Variants in IL16 observed in about 807,000 individuals in gnomAD.
IL16 encodes the protein interleukin 16.
A neutral mutation model predicts 110.1 loss-of-function variants in IL16; 67 were observed. The ratio of observed to expected loss-of-function variants is 0.61; its 90% CI spans 0.50 to 0.75. The LOEUF is 0.75. Ranked by LOEUF, IL16 falls within the 30% of genes least tolerant of loss-of-function variation. The pLI, the probability that IL16 is intolerant of heterozygous loss-of-function variation, is 0.00. For synonymous variants in IL16, 689 were observed against 662.9 expected, an observed-to-expected ratio of 1.04 and a Z score of -0.61; for missense variants, 1,545 against 1,655.0, an observed-to-expected ratio of 0.93 and a Z score of 1.15.
rs770601215 is a variant in IL16 at position 81,305,906 on chromosome 15, AG to A, written c.3421del. The A allele has an allele frequency of 6.2e-6, 10 of 1,613,544 alleles. No individual in the cohort carries two copies. The highest frequency in any genetic ancestry group is 7.6e-6 in the Non-Finnish European group (9 of 1,179,716). ...GGTCCTGACTTCCTTTGGTTTGCTCAGGTTCACAGAGTGTTTCCAAATGGGC... is the reference window on the plus strand; with the variant it reads ...GGTCCTGACTTCCTTTGGTTTGCTCAGTTCACAGAGTGTTTCCAAATGGGC... On this transcript the variant is annotated splice_acceptor_variant, in intron 16 of 18. Transcript: ENST00000683961. LOFTEE classifies it high-confidence loss of function.
At chr15:81,227,865 G>A (rs1160856843) in intron 2 of IL16, among the ~76,000 whole-genome samples, 1 of 152,122 alleles carries the variant, frequency 6.6e-6, no homozygotes, top group Non-Finnish European at 1.5e-5. Flanking sequence ...GATGTAGCAT[G>A]TGAGAGAATG....
chr15:81,306,009 G>A lies in IL16; in HGVS notation c.3522G>A (p.Thr1174=), dbSNP rs551305009. Residue 1174 remains threonine, a synonymous_variant, in exon 17 of 19, where the codon ACG becomes ACA. Transcript: ENST00000683961. Reference sequence around the variant, plus strand: ...ACGGCAAGTCTCTCAAGGGGACCACGCACCATGATGCCTTGGCCATCCTCC... The same window carrying A: ...ACGGCAAGTCTCTCAAGGGGACCACACACCATGATGCCTTGGCCATCCTCC... ...SINGKSLKGT[T]HHDALAILRQ... 1.6e-5 allele frequency: 26 copies of A among 1,614,212 alleles called. No individual in the cohort carries two copies. Among genetic ancestry groups the A allele is most frequent in the East Asian group, 4.5e-5 (2 of 44,888 alleles).
At chr15:81,307,871 T>C (rs1900651898) in intron 18 of IL16, among the ~76,000 whole-genome samples, 1 of 152,214 alleles carries the variant, frequency 6.6e-6, no homozygotes, top group African/African-American at 2.4e-5. Context: ...ACACCCCTCA[T>C]AGGATTACTG....
chr15:81,227,749 G>T (rs1896835703), intron 2 of IL16, among the ~76,000 whole-genome samples: 1 of 151,056 alleles, frequency 6.6e-6, no homozygotes, highest in Non-Finnish European at 1.5e-5. Context: ...GGAGACCAGT[G>T]AGGGGGACTG....
intron 4 of IL16, 119 bp downstream of exon 4, chr15:81,265,920 A>AG: frequency 1.1e-6 from 1 of 897,406 alleles, no homozygotes; most frequent in Non-Finnish European, 1.7e-6. Context: ...AGAACTACAG[A>AG]GGAGAGGGTC....
In IL16 at chr15:81,269,725, G is replaced by T; in HGVS notation, c.675+77G>T. On this transcript the variant is annotated intron_variant, in intron 5 of 18. Coordinates refer to ENST00000683961, the MANE Select transcript of IL16 (RefSeq NM_172217.5). ...CAAGGAGCTGCTGTGTCCAGGGAAGGATGGGAATAGGACTACTGGGGTGTC... is the reference window on the plus strand; with the variant it reads ...CAAGGAGCTGCTGTGTCCAGGGAAGTATGGGAATAGGACTACTGGGGTGTC... 1.3e-5 allele frequency: 14 copies of T among 1,046,520 alleles called. No individual in the cohort carries two copies. The South Asian group carries it at 1.7e-4, about 13-fold the overall frequency. 64.8% of individuals were successfully genotyped at this position (1,046,520 alleles called of 1,614,324 possible).
At chr15:81,224,408 C>T (rs569119175) in intron 1 of IL16, among the ~76,000 whole-genome samples, 1 of 152,308 alleles carries the variant, frequency 6.6e-6, no homozygotes, top group East Asian at 1.9e-4. Context: ...GAAACTGAAT[C>T]CATGGGAGGC....
intron 5 of IL16, 22 bp downstream of exon 5, chr15:81,269,670 C>T (rs751435971): frequency 6.4e-7 from 1 of 1,551,612 alleles, no homozygotes. Context: ...TTGTGGCCAA[C>T]AGGAAGTCCT....
chr15:81,190,356 T>C (rs2141919952), intron 1 of IL16, among the ~76,000 whole-genome samples: 1 of 152,198 alleles, frequency 6.6e-6, no homozygotes, highest in East Asian at 1.9e-4. Flanking sequence ...ACCCATGTGA[T>C]AGGGCTGAAG....
intron 2 of IL16, among the ~76,000 whole-genome samples, chr15:81,231,250 A>G (rs1896960167): frequency 6.7e-6 from 1 of 149,524 alleles, no homozygotes; most frequent in Admixed American, 6.7e-5. Flanking sequence ...GCAGGCGGGC[A>G]GGAAAGGAGA....
At chr15:81,219,536 A>T (rs553563949) in intron 1 of IL16, among the ~76,000 whole-genome samples, 2 of 152,166 alleles carry the variant, frequency 1.3e-5, no homozygotes, top group South Asian at 4.2e-4. Flanking sequence ...GTTGAGGCCC[A>T]CCTGATGCCC....
intron 1 of IL16, among the ~76,000 whole-genome samples, chr15:81,205,162 C>T (rs28411909): frequency 0.16 from 24,836 of 151,742 alleles, 4,657 homozygotes; most frequent in African/African-American, 0.46. Context: ...AAAAATTAGC[C>T]GGGCATAGTG....
chr15:81,221,456 C>A (rs927474960), intron 1 of IL16, among the ~76,000 whole-genome samples: 2 of 152,082 alleles, frequency 1.3e-5, no homozygotes, highest in African/African-American at 4.8e-5. Context: ...ATGGGCTTGC[C>A]CCCCAGCTCT....
chr15:81,269,106 C>A (rs1898517148), intron 4 of IL16, among the ~76,000 whole-genome samples: 1 of 152,272 alleles, frequency 6.6e-6, no homozygotes, highest in African/African-American at 2.4e-5. Context: ...GCTCCGCCCC[C>A]TTGCCCACCA....
intron 5 of IL16, 76 bp downstream of exon 5, chr15:81,269,724 G>C: frequency 9.4e-7 from 1 of 1,065,680 alleles, no homozygotes; most frequent in South Asian, 1.3e-5. Context: ...GTCCAGGGAA[G>C]GATGGGAATA....
At chr15:81,227,944 C>T (rs1051440141) in intron 2 of IL16, among the ~76,000 whole-genome samples, 3 of 152,042 alleles carry the variant, frequency 2.0e-5, no homozygotes, top group African/African-American at 7.3e-5. Context: ...AGCTTGAGCA[C>T]CTGGGGGTAG....
upstream of IL16, among the ~76,000 whole-genome samples, chr15:81,195,766 C>A (rs528531933): frequency 1.3e-5 from 2 of 152,280 alleles, no homozygotes; most frequent in South Asian, 4.1e-4. Context: ...AAACCTCAGC[C>A]TAGCATGTAC....
chr15:81,206,866 A>AATGATGATGATGATG (rs5814044), intron 1 of IL16, among the ~76,000 whole-genome samples: 32 of 150,992 alleles, frequency 2.1e-4, no homozygotes, highest in Middle Eastern at 3.4e-3. Context: ...GGCTTTAAAT[A>AATGATGATGATGATG]ATGATGATGA....
intron 17 of IL16, 91 bp downstream of exon 17, chr15:81,306,257 G>A: frequency 1.3e-6 from 2 of 1,537,932 alleles, no homozygotes; most frequent in Non-Finnish European, 1.8e-6. Context: ...AGTAATTTGT[G>A]ACCCCAAGAA....
Sources: gnomAD v4.1 joint callset for allele counts (sites outside exome capture counted in the v4.1 genomes callset) on GRCh38, gnomAD v4.1.1 for gene constraint, MANE v1.5 for transcripts, NCBI Gene and HGNC (gene_info 2026-07-23, HGNC 2026-07-21) for gene names.